The following BMERB1 variants were observed in gnomAD, a reference collection of about 807,000 sequenced individuals.
BMERB1 encodes bMERB domain-containing protein 1.
Under a neutral mutation model 23.6 loss-of-function variants are expected in BMERB1, and 12 were observed. The observed-to-expected ratio is 0.51, with a 90% CI of 0.33 to 0.82. The LOEUF is 0.82. Among genes scored for constraint, BMERB1 ranks in the 40% least tolerant of loss-of-function variants. BMERB1 has a pLI of 0.03. For missense variants in BMERB1, 247 were observed against 255.4 expected (o/e 0.97, Z 0.22); for synonymous variants, 122 against 96.6 (o/e 1.26, Z -1.54).
rs57267276 is a variant in BMERB1 at position 15,468,162 on chromosome 16, T to TTTTTTTTTTTTTTTC, written c.106+33404_106+33405insTTTTTTTTTTTTTCT. ...TTTTTTTTTTTTTTTTTTTTTTTTT[T>TTTTTTTTTTTTTTTC]TGAGGCAGGGTCTCAGTCTGTCACC... On this transcript the variant is annotated intron_variant, in intron 1 of 5. Coordinates refer to ENST00000300006, the MANE Select transcript of BMERB1 (RefSeq NM_033201.3). Among the ~76,000 whole-genome samples the TTTTTTTTTTTTTTTC allele has an allele frequency of 2.8e-4, 18 of 64,554 alleles. 1 individual carries two copies. The highest frequency in any genetic ancestry group is 4.5e-4 in the Admixed American group (2 of 4,414). 42.3% of individuals were successfully genotyped at this position (64,554 alleles called of 152,430 possible).
chr16:15,497,453 T>G (rs1226058113), intron 1 of BMERB1, among the ~76,000 whole-genome samples: 3 of 152,156 alleles, frequency 2.0e-5, no homozygotes, highest in African/African-American at 7.2e-5. Flanking sequence ...AAACAAACTT[T>G]AAGTTTCAAG....
chr16:15,561,077 C>T (rs971843318), intron 2 of BMERB1, among the ~76,000 whole-genome samples: 1 of 143,264 alleles, frequency 7.0e-6, no homozygotes, highest in African/African-American at 2.6e-5. Context: ...GCCTCAGCTT[C>T]CTGAGTAGCT....
intron 4 of BMERB1, among the ~76,000 whole-genome samples, chr16:15,581,575 G>A (rs2031015254): frequency 6.6e-6 from 1 of 152,232 alleles, no homozygotes; most frequent in African/African-American, 2.4e-5. Context: ...TGACCAGGGA[G>A]GAGTCACATC....
intron 1 of BMERB1, among the ~76,000 whole-genome samples, chr16:15,512,077 A>G (rs1191761225): frequency 6.7e-6 from 1 of 149,658 alleles, no homozygotes; most frequent in Non-Finnish European, 1.5e-5. Flanking sequence ...GAGGCCATTC[A>G]TTTCAATGTG....
intron 1 of BMERB1, among the ~76,000 whole-genome samples, chr16:15,447,680 G>A (rs1490040023): frequency 6.6e-6 from 1 of 152,150 alleles, no homozygotes; most frequent in Non-Finnish European, 1.5e-5. Context: ...AGAGAGAGAA[G>A]TTAAATTTAA....
At chr16:15,518,959 C>A (rs1397135838) in intron 2 of BMERB1, among the ~76,000 whole-genome samples, 1 of 152,026 alleles carries the variant, frequency 6.6e-6, no homozygotes, top group Non-Finnish European at 1.5e-5. Flanking sequence ...TATCCAATTT[C>A]CTCACAACGT....
chr16:15,569,660 G>T (rs2030674505), intron 3 of BMERB1, among the ~76,000 whole-genome samples: 1 of 152,154 alleles, frequency 6.6e-6, no homozygotes, highest in Non-Finnish European at 1.5e-5. Context: ...TGTGAAAAAT[G>T]ATTCTCAGGG....
intron 1 of BMERB1, among the ~76,000 whole-genome samples, chr16:15,448,221 A>G (rs2051008143): frequency 2.0e-5 from 3 of 152,140 alleles, no homozygotes; most frequent in Admixed American, 2.0e-4. Flanking sequence ...CTTGTCTGGC[A>G]ATGGTGACCA....
chr16:15,534,688 T>C (rs772516207), intron 2 of BMERB1, among the ~76,000 whole-genome samples: 45 of 152,156 alleles, frequency 3.0e-4, no homozygotes, highest in Non-Finnish European at 5.6e-4. Context: ...GGCAGTGGGG[T>C]GGTTTCCTTT....
intron 1 of BMERB1, among the ~76,000 whole-genome samples, chr16:15,486,435 T>G (rs2051369380): frequency 6.6e-6 from 1 of 152,154 alleles, no homozygotes; most frequent in South Asian, 2.1e-4. Flanking sequence ...TTGACTGTTT[T>G]TCTCCATGTC....
chr16:15,534,489 C>T (rs2052006134), intron 2 of BMERB1, among the ~76,000 whole-genome samples: 5 of 151,614 alleles, frequency 3.3e-5, no homozygotes, highest in South Asian at 2.1e-4. Context: ...GGGAGGAAGA[C>T]GTTGCAGTGA....
chr16:15,519,229 C>G (rs997536089), intron 2 of BMERB1, among the ~76,000 whole-genome samples: 2 of 152,038 alleles, frequency 1.3e-5, no homozygotes, highest in Admixed American at 6.6e-5. Context: ...TGAAAGACTC[C>G]CGGTGGCCGT....
intron 3 of BMERB1, among the ~76,000 whole-genome samples, chr16:15,580,029 T>G (rs2030967558): frequency 6.6e-6 from 1 of 152,146 alleles, no homozygotes; most frequent in Non-Finnish European, 1.5e-5. Flanking sequence ...ACATAGGTAT[T>G]AAGCCCAGCA....
In BMERB1 at chr16:15,458,112, A is replaced by C. The variant is rs576336342; in HGVS notation, c.106+23353A>C. On this transcript the variant is annotated intron_variant, in intron 1 of 5. Transcript: ENST00000300006. ...AGATGAGATTTGGGTGGGGACACAA[A>C]GCCTAACCATATCAGACTTCTTACC... is the stretch of plus-strand genomic sequence containing the variant. Among the ~76,000 whole-genome samples, 19 of 152,184 alleles carry C rather than the reference A, an allele frequency of 1.2e-4. 1 individual carries two copies. The highest frequency in any genetic ancestry group is 2.6e-4 in the Non-Finnish European group (18 of 68,030).
chr16:15,486,615 A>G (rs149941143), intron 1 of BMERB1, among the ~76,000 whole-genome samples: 6 of 152,330 alleles, frequency 3.9e-5, no homozygotes, highest in Non-Finnish European at 8.8e-5. Flanking sequence ...TTGTATCAAC[A>G]TGATCGTGTT....
chr16:15,559,931 TA>T (rs895472812), intron 2 of BMERB1, among the ~76,000 whole-genome samples: 53 of 150,036 alleles, frequency 3.5e-4, no homozygotes, highest in African/African-American at 9.3e-4. Flanking sequence ...CTGATGAGCT[TA>T]AAAAAAAAAT....
chr16:15,550,562 TC>T (rs1203234906), intron 2 of BMERB1, among the ~76,000 whole-genome samples: 1 of 147,214 alleles, frequency 6.8e-6, no homozygotes, highest in Admixed American at 6.8e-5. Context: ...GATCTCAAAC[TC>T]CTGAGCTCAA....
chr16:15,455,000 C>G (rs117921471), intron 1 of BMERB1, among the ~76,000 whole-genome samples: 1 of 152,042 alleles, frequency 6.6e-6, no homozygotes, highest in Non-Finnish European at 1.5e-5. Context: ...TTAACAATCT[C>G]TTGCAACAGA....
intron 1 of BMERB1, chr16:15,447,806 C>G: frequency 2.2e-6 from 1 of 454,646 alleles, no homozygotes; most frequent in Admixed American, 2.4e-5. Context: ...TTAAGCAGGA[C>G]CACTAGACTT....
Sources: gnomAD v4.1 joint callset for allele counts (sites outside exome capture counted in the v4.1 genomes callset) on GRCh38, gnomAD v4.1.1 for gene constraint, MANE v1.5 for transcripts, NCBI Gene and HGNC (gene_info 2026-07-23, HGNC 2026-07-21) for gene names.